Variants in COX6B2 observed in about 807,000 individuals in gnomAD.
The protein encoded by COX6B2 is COX VIb-2.
In COX6B2, 12 loss-of-function variants were observed where a neutral mutation model predicts 13.7. The observed-to-expected ratio is 0.87, with a 90% CI of 0.56 to 1.41. The LOEUF (loss-of-function observed/expected upper bound fraction) is 1.41, where lower values mean the gene tolerates loss of function less well. COX6B2 is among the 40% of genes most tolerant of loss of function. The pLI is 0.00. For synonymous variants in COX6B2, 56 were observed against 46.6 expected, an observed-to-expected ratio of 1.20 and a Z score of -0.82; for missense variants, 130 against 118.3, an observed-to-expected ratio of 1.10 and a Z score of -0.46.
In COX6B2 at chr19:55,354,457, C is replaced by A. The variant is rs773993549; in HGVS notation, c.65G>T (p.Arg22Leu). Residue 22 changes from arginine to leucine, a missense_variant, in exon 2 of 5, where the codon CGC becomes CTC. Physicochemically the swap from Arg to Leu is moderately radical, Grantham distance 102 (BLOSUM62 -2). Coordinates refer to ENST00000326529, the MANE Select transcript of COX6B2 (RefSeq NM_144613.5). ...ACGGATCTGGTTCTGGCTGGGGAAG[C>A]GCGGGTCGAAGGGCGGCGTCGACCA... ...GKWSTPPFDP[R>L]FPSQNQIRNC... 7 of 1,614,020 alleles carry A rather than the reference C, an allele frequency of 4.3e-6. No individual in the cohort carries two copies. In the South Asian group the frequency reaches 7.7e-5, roughly 18 times the overall value.
At chr19:55,354,248 G>A in intron 2 of COX6B2, 162 bp downstream of exon 2, 1 of 625,522 alleles carries the variant, frequency 1.6e-6, no homozygotes. Flanking sequence ...CGCCCCTCCA[G>A]GCTCAGCCCC....
intron 2 of COX6B2, 148 bp downstream of exon 2, chr19:55,354,261 CT>C: frequency 1.4e-6 from 1 of 732,682 alleles, no homozygotes; most frequent in Non-Finnish European, 2.3e-6. Flanking sequence ...TCAGCCCCGC[CT>C]TTTCTCGACC....
At chr19:55,354,327 G>A in intron 2 of COX6B2, 83 bp downstream of exon 2, 2 of 849,526 alleles carry the variant, frequency 2.4e-6, no homozygotes, top group Non-Finnish European at 3.4e-6. Context: ...AACGGTCTCC[G>A]CGGGACTTAG....
chr19:55,353,783 C>A lies in COX6B2; in HGVS notation c.214-9G>T. 16 of 1,607,240 alleles carry A rather than the reference C, an allele frequency of 1.0e-5. No individual in the cohort carries two copies. Among genetic ancestry groups the A allele is most frequent in the Non-Finnish European group, 1.3e-5 (15 of 1,176,986 alleles). ...TCGTTCCAGCTCTCCACCTGGGAAG[C>A]AGAAAGGCAGGGAGCGGGACGCCGG... On this transcript the variant is annotated splice_polypyrimidine_tract_variant and intron_variant, in intron 3 of 4. Transcript: ENST00000326529.
rs758621223 is a variant in COX6B2 at position 55,354,553 on chromosome 19, C to A, written c.-18-14G>T. ...AGGAGGCAACTCCTGCGAGACGGGA[C>A]GGGACGGGGACTCCGTGGGGCCGAG... On this transcript the variant is annotated splice_polypyrimidine_tract_variant and intron_variant, in intron 1 of 4. Transcript: ENST00000326529. The A allele has an allele frequency of 1.9e-5, 28 of 1,512,340 alleles. No individual in the cohort carries two copies. In the Admixed American group the frequency reaches 4.8e-4, roughly 26 times the overall value. The allele number at this position is 1,512,340 out of a possible 1,614,324, so 93.7% of individuals were successfully genotyped here.
At chr19:55,354,077 C>G in intron 2 of COX6B2, 111 bp from the exon 3 acceptor site, 1 of 963,700 alleles carries the variant, frequency 1.0e-6, no homozygotes, top group Non-Finnish European at 1.6e-6. Flanking sequence ...CCTCCCTCTC[C>G]CCTGGAGGCC....
intron 4 of COX6B2, 182 bp downstream of exon 4, chr19:55,353,425 G>A (rs909121650): frequency 3.9e-6 from 2 of 514,472 alleles, no homozygotes; most frequent in African/African-American, 1.9e-5. Context: ...GGGACGGGAG[G>A]CATTCGGCTT....
In COX6B2 at chr19:55,351,255, A is replaced by G. The variant is rs562595167; in HGVS notation, c.*115-455T>C. The stretch of plus-strand genomic sequence containing the variant: ...GTGTCATTATTATGTCATTGTTACC[A>G]TATTTCAGATGAAAAGGCCACAGCG... On this transcript the variant is annotated intron_variant, in intron 4 of 4. Coordinates refer to ENST00000326529, the MANE Select transcript of COX6B2 (RefSeq NM_144613.5). 8.5e-5 allele frequency among the ~76,000 whole-genome samples: 13 copies of G among 152,286 alleles called. No individual in the cohort carries two copies. In the South Asian group the frequency reaches 2.7e-3, roughly 32 times the overall value.
In COX6B2 at chr19:55,353,967, C is replaced by T. The variant is rs1267462988; in HGVS notation, c.113-1G>A. ...CTGGTCTTGAGGCAGCGGTGGTAGT[C>T]TGTGGCGGGCGGGGGTCACGCGGCA... On this transcript the variant is annotated splice_acceptor_variant, in intron 2 of 4. Coordinates refer to ENST00000326529, the MANE Select transcript of COX6B2 (RefSeq NM_144613.5). LOFTEE classifies it high-confidence loss of function. 1.9e-6 allele frequency: 3 copies of T among 1,543,986 alleles called. No individual in the cohort carries two copies. The highest frequency in any genetic ancestry group is 2.4e-5 in the South Asian group (2 of 84,272).
Position 55,353,730 on chromosome 19 carries a change from G to C in COX6B2, c.258C>G (p.Gly86=). 1 of 1,609,926 alleles carries C rather than the reference G, an allele frequency of 6.2e-7. No homozygotes were observed. The highest frequency in any genetic ancestry group is 8.5e-7 in the Non-Finnish European group (1 of 1,177,708). Reference sequence around the variant, plus strand: ...AGCCGCGCTGGGGCAGTCAGATTTTGCCGGCGAAAATCCCGTTCTTGATCT... The same window carrying C: ...AGCCGCGCTGGGGCAGTCAGATTTTCCCGGCGAAAATCCCGTTCTTGATCT... The part of the protein sequence containing the change: ...NEQIKNGIFA[G]KI The change falls in exon 4 of 5, where the codon GGC becomes GGG. Residue 86 remains glycine, a synonymous_variant. Coordinates refer to ENST00000326529, the MANE Select transcript of COX6B2 (RefSeq NM_144613.5).
chr19:55,353,430 C>T (rs572546046), intron 4 of COX6B2, 177 bp downstream of exon 4: 103 of 523,436 alleles, frequency 2.0e-4, no homozygotes, highest in Non-Finnish European at 3.4e-4. Context: ...GGGAGGCATT[C>T]GGCTTCCTGT....
At chr19:55,353,383 G>A (rs938213581) in intron 4 of COX6B2, 1 of 428,934 alleles carries the variant, frequency 2.3e-6, no homozygotes, top group Non-Finnish European at 4.3e-6. Context: ...TCAACGCGAG[G>A]CATCTACCTG....
At chr19:55,354,174 C>T (rs1333680802) in intron 2 of COX6B2, 7 of 632,892 alleles carry the variant, frequency 1.1e-5, no homozygotes, top group Admixed American at 2.6e-5. Flanking sequence ...CCTACCTCGC[C>T]CCGCACCTTC....
At chr19:55,354,064 C>T (rs1225644623) in intron 2 of COX6B2, 98 bp from the exon 3 acceptor site, 8 of 1,107,190 alleles carry the variant, frequency 7.2e-6, no homozygotes, top group Non-Finnish European at 1.0e-5. Context: ...CTGCTTCGTC[C>T]CGCCTCCCTC....
rs1301312442 is a variant in COX6B2, at chr19:55,350,196, C to T, written c.*719G>A. ...ACTGGCGATCAGGGTTTCCTGGCCT[C>T]CGCACTGCTGCCATGCTGAGCTGGT... On this transcript the variant is annotated 3_prime_UTR_variant, in exon 5 of 5. Coordinates refer to ENST00000326529, the MANE Select transcript of COX6B2 (RefSeq NM_144613.5). This position sits in a 1 kb window ranked among gnomAD's most constrained non-coding sequence, Gnocchi z 4.2. 6.6e-6 allele frequency: 1 copy of T among 152,258 alleles called. No individual in the cohort carries two copies. Among genetic ancestry groups the T allele is most frequent in the African/African-American group, 2.4e-5 (1 of 41,454 alleles). 9.4% of individuals were successfully genotyped at this position (152,258 alleles called of 1,614,324 possible).
At chr19:55,351,296 A>C (rs1321237494) in intron 4 of COX6B2, among the ~76,000 whole-genome samples, 3 of 152,138 alleles carry the variant, frequency 2.0e-5, no homozygotes, top group Admixed American at 1.3e-4. Flanking sequence ...GGGCTAGGGA[A>C]CTTGTCCCAG....
At chr19:55,354,577 A>T in intron 1 of COX6B2, 38 bp from the exon 2 acceptor site, 5 of 1,287,730 alleles carry the variant, frequency 3.9e-6, no homozygotes, top group Non-Finnish European at 4.4e-6. Context: ...CGTGGGGCCG[A>T]GGGGGCGCCC....
Position 55,354,637 on chromosome 19 carries a change from G to A in COX6B2, c.-19+13C>T, listed in dbSNP as rs1388647198. The A allele has an allele frequency of 9.9e-6, 7 of 703,946 alleles. 1 individual carries two copies. In the Admixed American group the frequency reaches 1.1e-4, roughly 11 times the overall value. The allele number at this position is 703,946 out of a possible 1,614,324, so 43.6% of individuals were successfully genotyped here. On this transcript the variant is annotated intron_variant, in intron 1 of 4. Transcript: ENST00000326529. The stretch of plus-strand genomic sequence containing the variant: ...TGACCCCCGCCCCTGAACCCCACCC[G>A]TCGTGCCCTCACCAGCCTGACGTTG...
intron 2 of COX6B2, 194 bp downstream of exon 2, chr19:55,354,216 C>T: frequency 1.5e-6 from 1 of 649,820 alleles, no homozygotes; most frequent in Non-Finnish European, 2.7e-6. Context: ...CAGATCAGGC[C>T]TCGCCCCTAC....
Sources: gnomAD v4.1 joint callset for allele counts (sites outside exome capture counted in the v4.1 genomes callset) on GRCh38, gnomAD v4.1.1 for gene constraint, Gnocchi (gnomAD v3.1) non-coding constraint, MANE v1.5 for transcripts, NCBI Gene and HGNC (gene_info 2026-07-23, HGNC 2026-07-21) for gene names.